NAV2: variants seen among roughly 807,000 people sequenced by gnomAD.
NAV2 encodes the protein helicase, APC down-regulated 1.
Under a neutral mutation model 223.2 loss-of-function variants are expected in NAV2, and 54 were observed. The observed-to-expected ratio is 0.24, with a 90% CI of 0.19 to 0.30. NAV2 has a LOEUF of 0.30. Ranked by LOEUF, NAV2 falls within the 10% of genes least tolerant of loss-of-function variation. NAV2 has a pLI of 1.00. For synonymous variants in NAV2, 1,279 were observed against 1,239.3 expected (o/e 1.03, Z -0.67); for missense variants, 2,806 against 3,147.5 (o/e 0.89, Z 2.60).
At chr11:19,897,569 T>C (rs2094035011) in intron 6 of NAV2, among the ~76,000 whole-genome samples, 2 of 151,972 alleles carry the variant, frequency 1.3e-5, no homozygotes, top group South Asian at 4.2e-4. Flanking sequence ...AAAGTGATAG[T>C]ATATAATACT....
intron 1 of NAV2, among the ~76,000 whole-genome samples, chr11:19,641,434 T>A (rs2047660680): frequency 6.6e-6 from 1 of 152,158 alleles, no homozygotes; most frequent in African/African-American, 2.4e-5. Context: ...TTAGCTGGTC[T>A]TGCTGCCTCT....
Position 20,080,068 on chromosome 11 carries a change from C to T in NAV2, c.5184C>T (p.Asn1728=), listed in dbSNP as rs774135914. 51 of 1,613,276 alleles carry T rather than the reference C, an allele frequency of 3.2e-5. No homozygotes were observed. The highest frequency in any genetic ancestry group is 8.8e-5 in the South Asian group (8 of 90,984). ...ACACCCTGCCTTGGTCTCCAGGAAA[C>T]GGCACTGCCCAGTCTGCAGACCTCC... ...INTPELNCKG[N]GTAQSADLRI... Residue 1728 remains asparagine (N), a synonymous_variant, in exon 25 of 38, where the codon AAC becomes AAT. Coordinates refer to ENST00000349880, the MANE Select transcript of NAV2 (RefSeq NM_145117.5).
chr11:19,963,740 G>A (rs1261047506), intron 10 of NAV2, among the ~76,000 whole-genome samples: 2 of 152,210 alleles, frequency 1.3e-5, no homozygotes, highest in Non-Finnish European at 2.9e-5. Flanking sequence ...AAACACTTGT[G>A]TCAACATTCC....
chr11:19,801,791 A>G (rs1429371480), intron 1 of NAV2, among the ~76,000 whole-genome samples: 3 of 152,208 alleles, frequency 2.0e-5, no homozygotes, highest in South Asian at 2.1e-4. Context: ...GTGAGCTCCT[A>G]TTTTTTCAAA....
At chr11:19,589,026 A>G (rs1025758539) in intron 1 of NAV2, among the ~76,000 whole-genome samples, 16 of 152,206 alleles carry the variant, frequency 1.1e-4, no homozygotes, top group African/African-American at 3.9e-4. Flanking sequence ...CCTGAGCACC[A>G]TGACTCACCA....
chr11:19,350,904 T>C lies in NAV2; in HGVS notation c.-49T>C, dbSNP rs577202103. 117 of 1,535,446 alleles carry C rather than the reference T, an allele frequency of 7.6e-5. No homozygotes were observed. The South Asian group carries it at 1.3e-3, about 18-fold the overall frequency. On this transcript the variant is annotated 5_prime_UTR_variant, in exon 1 of 38. Transcript: ENST00000360655. ...TTGTGTGGGTTATTTTGTTCCTCTG[T>C]GGATTTGGAAGCATCGCTGAAGGAG...
intron 1 of NAV2, among the ~76,000 whole-genome samples, chr11:19,742,153 G>A (rs10741797): frequency 0.98 from 148,825 of 152,150 alleles, 72,875 homozygotes; most frequent in East Asian, 1. Context: ...CACCCCTCCT[G>A]AGCCCCTTAT....
At chr11:20,027,963 TG>T (rs2055277259) in intron 11 of NAV2, among the ~76,000 whole-genome samples, 1 of 152,256 alleles carries the variant, frequency 6.6e-6, no homozygotes. Flanking sequence ...TCATGAGAGA[TG>T]AAATTGTAAA....
At chr11:20,008,919 CTG>C (rs1275740109) in intron 11 of NAV2, among the ~76,000 whole-genome samples, 2 of 152,136 alleles carry the variant, frequency 1.3e-5, no homozygotes, top group Non-Finnish European at 2.9e-5. Context: ...TCCTCGACTG[CTG>C]TATTGTTGCT....
Position 20,044,439 on chromosome 11 carries a change from A to G in NAV2, c.3199+167A>G. ...TCCCTACCTTTTTCTAAGTGGAAAT[A>G]AGTAAGCATGGGAGCCTCTTAAGCT... On this transcript the variant is annotated intron_variant, in intron 13 of 37. Coordinates refer to ENST00000349880, the MANE Select transcript of NAV2 (RefSeq NM_145117.5). 4.4e-6 allele frequency: 3 copies of G among 678,472 alleles called. No individual in the cohort carries two copies. The South Asian group carries it at 6.3e-5, about 14-fold the overall frequency. 42.0% of individuals were successfully genotyped at this position (678,472 alleles called of 1,614,324 possible).
At position 20,114,687 on chromosome 11, in the gene NAV2, C is replaced by T; in HGVS notation, c.7056C>T (p.Pro2352=). ...AASPQQHEWP[P]LLQLRPEDVG... is the part of the protein sequence containing the mutation. ...GCCCACAACAGCACGAGTGGCCTCC[C>T]CTGCTGCAGTTACGGCCTGAGGATG... The change falls in exon 37 of 38, where the codon CCC becomes CCT. Residue 2352 remains proline, a synonymous_variant. Coordinates refer to ENST00000349880, the MANE Select transcript of NAV2 (RefSeq NM_145117.5). The T allele has an allele frequency of 6.2e-7, 1 of 1,614,162 alleles. No individual in the cohort carries two copies. Among genetic ancestry groups the T allele is most frequent in the Non-Finnish European group, 8.5e-7 (1 of 1,180,042 alleles).
chr11:19,422,790 T>C (rs1027533669), intron 1 of NAV2, among the ~76,000 whole-genome samples: 3 of 152,244 alleles, frequency 2.0e-5, no homozygotes, highest in African/African-American at 7.2e-5. Flanking sequence ...TTTCTTCCTA[T>C]GCCTGCTCTT....
intron 1 of NAV2, among the ~76,000 whole-genome samples, chr11:19,407,898 G>A (rs1275142766): frequency 6.6e-6 from 1 of 152,044 alleles, no homozygotes; most frequent in Non-Finnish European, 1.5e-5. Context: ...ATGTGGTTGG[G>A]ACTGATAAGT....
chr11:19,448,870 G>A (rs1195492399), intron 1 of NAV2, among the ~76,000 whole-genome samples: 2 of 152,198 alleles, frequency 1.3e-5, no homozygotes, highest in African/African-American at 4.8e-5. Context: ...TGTGAAGGAG[G>A]GAGAGAGGAG....
At chr11:19,441,171 G>A (rs1451739585) in intron 1 of NAV2, among the ~76,000 whole-genome samples, 2 of 152,116 alleles carry the variant, frequency 1.3e-5, no homozygotes, top group Non-Finnish European at 1.5e-5. Context: ...GGAGGAATAC[G>A]ATGCAAAGGC....
intron 1 of NAV2, among the ~76,000 whole-genome samples, chr11:19,484,975 G>A (rs34923640): frequency 6.6e-6 from 1 of 152,120 alleles, no homozygotes; most frequent in East Asian, 1.9e-4. Context: ...GACAGCTGTG[G>A]CCCCAAGACC....
At chr11:19,942,609 A>G (rs571944321) in intron 8 of NAV2, among the ~76,000 whole-genome samples, 17 of 152,330 alleles carry the variant, frequency 1.1e-4, no homozygotes, top group African/African-American at 4.1e-4. Flanking sequence ...CATGTGTTGT[A>G]TAATAAACAT....
chr11:20,054,178 C>G lies in NAV2; in HGVS notation c.4580C>G (p.Pro1527Arg). The change falls in exon 18 of 38, where the codon CCC becomes CGC. Residue 1527 changes from proline to arginine, a missense_variant. Pro to Arg is a moderately radical substitution (Grantham distance 103, BLOSUM62 -2). This residue lies in a region of NAV2 where 742 missense variants were observed against 777.9 expected (regional missense o/e 0.95). Coordinates refer to ENST00000349880, the MANE Select transcript of NAV2 (RefSeq NM_145117.5). Reference protein sequence around the residue: ...GGLQDTAANSPFSSGSSVTSP... With the variant: ...GGLQDTAANSRFSSGSSVTSP... Reference sequence around the variant, plus strand: ...CTTCAGGACACCGCTGCCAATTCCCCCTTTTCCTCTGGCTCCAGCGTGACT... The same window carrying G: ...CTTCAGGACACCGCTGCCAATTCCCGCTTTTCCTCTGGCTCCAGCGTGACT... 1 of 1,613,668 alleles carries G rather than the reference C, an allele frequency of 6.2e-7. No individual in the cohort carries two copies. The highest frequency in any genetic ancestry group is 8.5e-7 in the Non-Finnish European group (1 of 1,179,948).
At chr11:19,567,028 T>C (rs2045289403) in intron 1 of NAV2, among the ~76,000 whole-genome samples, 3 of 152,224 alleles carry the variant, frequency 2.0e-5, no homozygotes, top group African/African-American at 7.2e-5. Context: ...AAATCTACAT[T>C]AGACCAGAGA....
Sources: allele counts gnomAD v4.1 joint callset (sites outside exome capture counted in the v4.1 genomes callset), GRCh38; gene constraint gnomAD v4.1.1; regional missense constraint gnomAD v4.1.1; transcripts MANE v1.5; gene names NCBI Gene and HGNC (gene_info 2026-07-23, HGNC 2026-07-21).